MALRD1: variants seen among roughly 807,000 people sequenced by gnomAD.
The protein encoded by MALRD1 is MAM and LDL-receptor class A domain-containing protein 1.
In MALRD1, 247 loss-of-function variants were observed where a neutral mutation model predicts 242.1. The observed-to-expected ratio is 1.02, with a 90% CI of 0.92 to 1.13. The LOEUF is 1.13. Ranked by LOEUF, MALRD1 falls within the 50% of genes most tolerant of loss-of-function variation. MALRD1 has a pLI of 0.00. For synonymous variants in MALRD1, 995 were observed against 866.6 expected (o/e 1.15, Z -2.60); for missense variants, 2,989 against 2,533.1 (o/e 1.18, Z -3.86).
intron 29 of MALRD1, among the ~76,000 whole-genome samples, chr10:19,474,093 C>T (rs554536615): frequency 1.4e-5 from 2 of 138,566 alleles, no homozygotes; most frequent in East Asian, 4.5e-4. Context: ...TGATGTTGAA[C>T]ATCGTTTCAT....
chr10:19,232,161 GGTT>G (rs1308811468), intron 18 of MALRD1, among the ~76,000 whole-genome samples: 2 of 151,834 alleles, frequency 1.3e-5, no homozygotes, highest in Non-Finnish European at 2.9e-5. Context: ...AGTAGAAGCA[GGTT>G]GTTAAGATTT....
chr10:19,168,225 C>T (rs576013736), intron 13 of MALRD1, among the ~76,000 whole-genome samples: 105 of 152,282 alleles, frequency 6.9e-4, no homozygotes, highest in Non-Finnish European at 1.5e-3. Context: ...ACTAGCAGCT[C>T]TTAATTGGGA....
intron 36 of MALRD1, chr10:19,633,694 C>A (rs1840006171): frequency 6.6e-6 from 1 of 152,002 alleles, no homozygotes; most frequent in Non-Finnish European, 1.5e-5. Flanking sequence ...GCCTACAGCA[C>A]ACGGTATTCC....
At chr10:19,049,536 T>G (rs1285112305) in intron 1 of MALRD1, among the ~76,000 whole-genome samples, 1 of 152,138 alleles carries the variant, frequency 6.6e-6, no homozygotes, top group Admixed American at 6.5e-5. Context: ...AATTTTAGAT[T>G]GGTTGGGTAG....
intron 36 of MALRD1, among the ~76,000 whole-genome samples, chr10:19,620,511 T>G (rs911380677): frequency 7.2e-5 from 11 of 152,234 alleles, no homozygotes; most frequent in Admixed American, 2.6e-4. Context: ...TGATGTCAGT[T>G]TCATTTACAG....
chr10:19,341,442 A>ATATATATGTG (rs1843847316), intron 24 of MALRD1, among the ~76,000 whole-genome samples: 1 of 145,080 alleles, frequency 6.9e-6, no homozygotes, highest in African/African-American at 2.5e-5. Context: ...CTATATGTAT[A>ATATATATGTG]TATATATATG....
intron 38 of MALRD1, among the ~76,000 whole-genome samples, chr10:19,696,435 A>G (rs987407050): frequency 1.3e-5 from 2 of 152,202 alleles, no homozygotes; most frequent in Non-Finnish European, 1.5e-5. Context: ...CACAGAGCAA[A>G]GGATAATTCA....
chr10:19,612,004 G>A (rs1169925497), intron 35 of MALRD1, among the ~76,000 whole-genome samples: 3 of 151,970 alleles, frequency 2.0e-5, no homozygotes, highest in Non-Finnish European at 4.4e-5. Context: ...TTCATTTTCT[G>A]TAGTAAATTT....
At chr10:19,535,465 A>G (rs1331103339) in intron 32 of MALRD1, among the ~76,000 whole-genome samples, 3 of 150,850 alleles carry the variant, frequency 2.0e-5, no homozygotes, top group Non-Finnish European at 4.4e-5. Context: ...TCATAAATAT[A>G]TGTATATATG....
At chr10:19,428,810 T>C (rs1834004215) in intron 28 of MALRD1, among the ~76,000 whole-genome samples, 1 of 152,212 alleles carries the variant, frequency 6.6e-6, no homozygotes, top group African/African-American at 2.4e-5. Context: ...AAATTAGCTG[T>C]AGACTCTTTT....
chr10:19,051,012 A>G (rs1834476799), intron 1 of MALRD1, among the ~76,000 whole-genome samples: 1 of 152,234 alleles, frequency 6.6e-6, no homozygotes, highest in Non-Finnish European at 1.5e-5. Flanking sequence ...TTCATTTTAA[A>G]TGTTACATGG....
At chr10:19,097,948 G>C (rs1370937591) in intron 4 of MALRD1, among the ~76,000 whole-genome samples, 2 of 152,052 alleles carry the variant, frequency 1.3e-5, no homozygotes, top group Non-Finnish European at 2.9e-5. Flanking sequence ...TAGGGTGGAC[G>C]CGTTCCTCCT....
chr10:19,623,722 C>T (rs1489019561), intron 36 of MALRD1, among the ~76,000 whole-genome samples: 1 of 152,068 alleles, frequency 6.6e-6, no homozygotes. Context: ...CTTCCCTCTC[C>T]CTTCACCTTT....
At chr10:19,429,483 G>A (rs533054793) in intron 28 of MALRD1, among the ~76,000 whole-genome samples, 1 of 152,152 alleles carries the variant, frequency 6.6e-6, no homozygotes, top group African/African-American at 2.4e-5. Context: ...AGGATCACGT[G>A]AACCCGGGAG....
rs144135186 is a variant in MALRD1, at chr10:19,506,321, A to G, written c.5320+7675A>G. ...GAGAAAGTAGAGGAAAAGAACAGTT[A>G]TCCCTGGAAGAAACAGAACTCAGCA... On this transcript the variant is annotated intron_variant, in intron 31 of 39. Coordinates refer to ENST00000454679, the MANE Select transcript of MALRD1 (RefSeq NM_001142308.3). Among the ~76,000 whole-genome samples, 79 of 152,360 alleles carry G rather than the reference A, an allele frequency of 5.2e-4. 2 individuals are homozygous for G. The East Asian group carries it at 0.015, about 29-fold the overall frequency.
At chr10:19,306,939 G>A (rs1180164453) in intron 21 of MALRD1, among the ~76,000 whole-genome samples, 4 of 151,362 alleles carry the variant, frequency 2.6e-5, no homozygotes, top group African/African-American at 9.7e-5. Context: ...CCCTCCCAAA[G>A]CATGTGGGGA....
At chr10:19,530,348 A>T (rs1335568324) in intron 31 of MALRD1, among the ~76,000 whole-genome samples, 2 of 122,030 alleles carry the variant, frequency 1.6e-5, no homozygotes, top group African/African-American at 6.9e-5. Flanking sequence ...ATTTATATAA[A>T]TATATAATAT....
At chr10:19,553,054 C>A (rs1246983507) in intron 32 of MALRD1, among the ~76,000 whole-genome samples, 1 of 152,064 alleles carries the variant, frequency 6.6e-6, no homozygotes, top group Non-Finnish European at 1.5e-5. Context: ...TCTAGATACT[C>A]TCCTACTAGA....
At chr10:19,118,622 T>A (rs1836957460) in intron 5 of MALRD1, among the ~76,000 whole-genome samples, 1 of 152,146 alleles carries the variant, frequency 6.6e-6, no homozygotes, top group African/African-American at 2.4e-5. Flanking sequence ...AGACTGTAGA[T>A]GTTTCTTATC....
Sources: allele counts gnomAD v4.1 joint callset (sites outside exome capture counted in the v4.1 genomes callset), GRCh38; gene constraint gnomAD v4.1.1; transcripts MANE v1.5; gene names NCBI Gene and HGNC (gene_info 2026-07-23, HGNC 2026-07-21).